Variants in CNIH3 observed in about 807,000 individuals in gnomAD.
The protein encoded by CNIH3 is protein cornichon homolog 3.
CNIH3 carries 14 observed loss-of-function variants against 24.1 expected under a neutral mutation model. The ratio of observed to expected loss-of-function variants is 0.58; its 90% CI spans 0.38 to 0.91. The LOEUF is 0.91. Ranked by LOEUF, CNIH3 falls within the 40% of genes least tolerant of loss-of-function variation. CNIH3 has a pLI of 0.00. For missense variants in CNIH3, 178 were observed against 196.8 expected (o/e 0.90, Z 0.57); for synonymous variants, 68 against 73.8 (o/e 0.92, Z 0.40).
intron 2 of CNIH3, among the ~76,000 whole-genome samples, chr1:224,683,134 G>A (rs1686484276): frequency 1.3e-5 from 2 of 152,104 alleles, no homozygotes; most frequent in Admixed American, 6.5e-5. Context: ...TTAAACAATG[G>A]GTGAATATTG....
intron 1 of CNIH3, among the ~76,000 whole-genome samples, chr1:224,499,678 C>T (rs1475634044): frequency 6.6e-6 from 1 of 152,026 alleles, no homozygotes; most frequent in Non-Finnish European, 1.5e-5. Context: ...CTCTCTATTT[C>T]GGGTCATTTT....
chr1:224,467,918 T>C (rs545950165), intron 1 of CNIH3, among the ~76,000 whole-genome samples: 1 of 152,050 alleles, frequency 6.6e-6, no homozygotes, highest in South Asian at 2.1e-4. Context: ...GACTTTTTTT[T>C]TTTCTTCACC....
intron 1 of CNIH3, among the ~76,000 whole-genome samples, chr1:224,622,204 C>G (rs1683315143): frequency 6.6e-6 from 1 of 152,222 alleles, no homozygotes; most frequent in African/African-American, 2.4e-5. Flanking sequence ...TTCTTAAGGA[C>G]TACTTTCTGG....
At chr1:224,497,071 T>C (rs1677467980) in intron 1 of CNIH3, among the ~76,000 whole-genome samples, 1 of 152,240 alleles carries the variant, frequency 6.6e-6, no homozygotes, top group Admixed American at 6.5e-5. Flanking sequence ...TATTATATGC[T>C]ACAACATGGA....
chr1:224,731,101 A>G (rs1572833530), intron 4 of CNIH3, among the ~76,000 whole-genome samples: 1 of 152,124 alleles, frequency 6.6e-6, no homozygotes, highest in African/African-American at 2.4e-5. Flanking sequence ...GCTGGGAGGG[A>G]ATGAGAATAG....
In CNIH3 at chr1:224,715,689, G is replaced by A. The variant is rs181500951; in HGVS notation, c.199-14773G>A. Among the ~76,000 whole-genome samples, 1,183 of 152,248 alleles carry A rather than the reference G, an allele frequency of 7.8e-3. 10 individuals are homozygous for A. Among genetic ancestry groups the A allele is most frequent in the South Asian group, 0.027 (129 of 4,820 alleles). ...CAGGTGTGTGCAGAGATCACACGGCGGGAGAGGAAATGAGAGGGTTGGGGA... is the reference window on the plus strand; with the variant it reads ...CAGGTGTGTGCAGAGATCACACGGCAGGAGAGGAAATGAGAGGGTTGGGGA... On this transcript the variant is annotated intron_variant, in intron 3 of 5. Transcript: ENST00000272133.
chr1:224,699,153 C>T (rs1056451527), intron 3 of CNIH3, among the ~76,000 whole-genome samples: 1 of 152,174 alleles, frequency 6.6e-6, no homozygotes, highest in Non-Finnish European at 1.5e-5. Flanking sequence ...CTGGACATTC[C>T]CGGGCATAAC....
intron 1 of CNIH3, among the ~76,000 whole-genome samples, chr1:224,519,491 T>A (rs970646849): frequency 1.3e-5 from 2 of 152,086 alleles, no homozygotes; most frequent in Non-Finnish European, 2.9e-5. Context: ...TTCTCAAAAT[T>A]TCTCTTTCTC....
chr1:224,686,409 A>G (rs535023380), intron 3 of CNIH3, among the ~76,000 whole-genome samples: 1 of 152,076 alleles, frequency 6.6e-6, no homozygotes, highest in African/African-American at 2.4e-5. Context: ...TCTATCATTT[A>G]TGGGCATTTG....
chr1:224,489,928 C>G (rs575325875), intron 1 of CNIH3, among the ~76,000 whole-genome samples: 59 of 152,220 alleles, frequency 3.9e-4, no homozygotes, highest in African/African-American at 1.4e-3. Flanking sequence ...ACCCTCATGA[C>G]CTAATTGCCT....
intron 1 of CNIH3, among the ~76,000 whole-genome samples, chr1:224,659,902 T>C (rs1023419823): frequency 6.6e-6 from 1 of 152,126 alleles, no homozygotes; most frequent in Non-Finnish European, 1.5e-5. Context: ...GAGACATGAA[T>C]ATGAGAAGTT....
chr1:224,498,508 G>T (rs569981853), intron 1 of CNIH3, among the ~76,000 whole-genome samples: 2 of 152,294 alleles, frequency 1.3e-5, no homozygotes, highest in Non-Finnish European at 2.9e-5. Context: ...ATGGACAGAA[G>T]CTTCCCTGTC....
At chr1:224,512,396 G>A (rs936274198), upstream of CNIH3, among the ~76,000 whole-genome samples, 6 of 152,158 alleles carry the variant, frequency 3.9e-5, no homozygotes, top group East Asian at 9.6e-4. Flanking sequence ...GGGGAAATCA[G>A]TTGAGCCCAG....
chr1:224,572,246 TG>T (rs1680848492), intron 4 of CNIH3, among the ~76,000 whole-genome samples: 1 of 152,184 alleles, frequency 6.6e-6, no homozygotes, highest in Admixed American at 6.5e-5. Flanking sequence ...CCCAGTGTGG[TG>T]GCTCATGTCT....
intron 4 of CNIH3, among the ~76,000 whole-genome samples, chr1:224,580,792 C>G (rs1006527599): frequency 6.9e-6 from 1 of 145,414 alleles, no homozygotes; most frequent in East Asian, 2.0e-4. Flanking sequence ...GATGACAGAG[C>G]GAGACTCTGT....
At chr1:224,482,876 C>T (rs776509931) in intron 1 of CNIH3, among the ~76,000 whole-genome samples, 13 of 152,074 alleles carry the variant, frequency 8.5e-5, no homozygotes, top group South Asian at 4.1e-4. Flanking sequence ...GCTCAGAGCA[C>T]GTTAGCCTGC....
chr1:224,725,666 C>T (rs1324314535), intron 3 of CNIH3, among the ~76,000 whole-genome samples: 1 of 152,156 alleles, frequency 6.6e-6, no homozygotes, highest in Non-Finnish European at 1.5e-5. Flanking sequence ...AAAACCTATG[C>T]CCTTGGAATG....
At chr1:224,614,502 T>C (rs959992041), upstream of CNIH3, among the ~76,000 whole-genome samples, 1 of 152,136 alleles carries the variant, frequency 6.6e-6, no homozygotes, top group Non-Finnish European at 1.5e-5. Context: ...TTGAGACCTA[T>C]GTCTGCAAAC....
chr1:224,611,107 G>A (rs1055116008), intron 3 of CNIH3, among the ~76,000 whole-genome samples: 2 of 151,604 alleles, frequency 1.3e-5, no homozygotes, highest in African/African-American at 2.4e-5. Flanking sequence ...GGTAGTGGCG[G>A]CCAAATGTTA....
Sources: gnomAD v4.1 joint callset for allele counts (sites outside exome capture counted in the v4.1 genomes callset) on GRCh38, gnomAD v4.1.1 for gene constraint, MANE v1.5 for transcripts, NCBI Gene and HGNC (gene_info 2026-07-23, HGNC 2026-07-21) for gene names.